ABLIM1: variants seen among roughly 807,000 people sequenced by gnomAD.
The protein encoded by ABLIM1 is actin-binding LIM protein 1.
A neutral mutation model predicts 107.0 loss-of-function variants in ABLIM1; 40 were observed. The observed-to-expected ratio is 0.37, with a 90% CI of 0.29 to 0.49. The LOEUF (loss-of-function observed/expected upper bound fraction) is 0.49. ABLIM1 is among the 20% of genes least tolerant of loss of function. ABLIM1 has a pLI of 0.97. For synonymous variants in ABLIM1, 357 were observed against 357.3 expected, an observed-to-expected ratio of 1.00 and a Z score of 0.01; for missense variants, 857 against 1,008.5, an observed-to-expected ratio of 0.85 and a Z score of 2.04.
At chr10:114,489,022 T>C in intron 7 of ABLIM1, among the ~76,000 whole-genome samples, 1 of 152,060 alleles carries the variant, frequency 6.6e-6, no homozygotes, top group East Asian at 1.9e-4. Context: ...TTTACCTCAT[T>C]TTTTTTTCTT....
chr10:114,708,979 T>C (rs903202449), intron 1 of ABLIM1, among the ~76,000 whole-genome samples: 1 of 152,192 alleles, frequency 6.6e-6, no homozygotes, highest in African/African-American at 2.4e-5. Flanking sequence ...ATTGGTACTT[T>C]TCGAGAAGCA....
the ABLIM1 span, among the ~76,000 whole-genome samples, chr10:114,788,786 A>G: frequency 6.6e-6 from 1 of 151,846 alleles, no homozygotes; most frequent in Non-Finnish European, 1.5e-5. Flanking sequence ...TGCCAGATAA[A>G]ATACAGGAGG....
At chr10:114,741,621 A>T (rs1042635080) in intron 1 of ABLIM1, among the ~76,000 whole-genome samples, 2 of 152,180 alleles carry the variant, frequency 1.3e-5, no homozygotes, top group Admixed American at 1.3e-4. Flanking sequence ...TGTACACCAT[A>T]TGTTAGAAAA....
At chr10:114,675,292 T>C (rs2080431652) in intron 1 of ABLIM1, among the ~76,000 whole-genome samples, 1 of 152,126 alleles carries the variant, frequency 6.6e-6, no homozygotes, top group African/African-American at 2.4e-5. Context: ...GAACTGTAGC[T>C]CCCACAAATC....
intron 1 of ABLIM1, among the ~76,000 whole-genome samples, chr10:114,719,388 A>G (rs1183954241): frequency 6.6e-6 from 1 of 152,208 alleles, no homozygotes; most frequent in Non-Finnish European, 1.5e-5. Flanking sequence ...GACCTTGTCC[A>G]GGGTTACTTA....
chr10:114,512,215 A>C (rs751258008), intron 6 of ABLIM1, among the ~76,000 whole-genome samples: 9 of 152,242 alleles, frequency 5.9e-5, no homozygotes, highest in Non-Finnish European at 1.3e-4. Context: ...GTGCGTAAAA[A>C]GGGCTGAAAT....
intron 9 of ABLIM1, 56 bp from the exon 10 acceptor site, chr10:114,473,188 CTG>C: frequency 1.3e-6 from 2 of 1,505,528 alleles, no homozygotes; most frequent in East Asian, 4.6e-5. Flanking sequence ...CTTTAGGAAA[CTG>C]TAGTTGGCGC....
intron 12 of ABLIM1, among the ~76,000 whole-genome samples, chr10:114,464,108 C>G (rs904125371): frequency 6.6e-6 from 1 of 152,028 alleles, no homozygotes; most frequent in Non-Finnish European, 1.5e-5. Flanking sequence ...TATAACCCCA[C>G]GCCGCTCCGG....
In ABLIM1 at chr10:114,469,161, C is replaced by T. The variant is rs1279780518; in HGVS notation, c.1276-945G>A. On this transcript the variant is annotated intron_variant, in intron 10 of 22. Transcript: ENST00000533213. ...ATTTCCCTTATATATTCAAACTACG[C>T]TCATTTTACTATGATGAGTTACAGC... 3.3e-5 allele frequency among the ~76,000 whole-genome samples: 5 copies of T among 151,986 alleles called. No homozygotes were observed. The East Asian group carries it at 9.7e-4, about 29-fold the overall frequency.
chr10:114,590,062 T>C (rs1188565323), intron 2 of ABLIM1, among the ~76,000 whole-genome samples: 3 of 152,188 alleles, frequency 2.0e-5, no homozygotes, highest in Admixed American at 2.0e-4. Flanking sequence ...TTTAGATATG[T>C]TTAGATACAC....
intron 12 of ABLIM1, among the ~76,000 whole-genome samples, chr10:114,457,680 G>A (rs1028171850): frequency 6.6e-6 from 1 of 152,196 alleles, no homozygotes; most frequent in Non-Finnish European, 1.5e-5. Context: ...AAAGTAATGT[G>A]TGACACACCA....
intron 6 of ABLIM1, among the ~76,000 whole-genome samples, chr10:114,504,730 G>A (rs2060899249): frequency 6.6e-6 from 1 of 152,090 alleles, no homozygotes; most frequent in African/African-American, 2.4e-5. Context: ...CTGTTAGGCT[G>A]GACTGAACTT....
chr10:114,793,408 G>A, the ABLIM1 span, among the ~76,000 whole-genome samples: 3 of 151,966 alleles, frequency 2.0e-5, no homozygotes, highest in Non-Finnish European at 4.4e-5. Context: ...TAAGTTTCCT[G>A]AGGCCTCCCC....
chr10:114,441,404 C>T (rs2060179166), intron 18 of ABLIM1, among the ~76,000 whole-genome samples: 1 of 152,160 alleles, frequency 6.6e-6, no homozygotes, highest in Admixed American at 6.5e-5. Context: ...TATCTTTTTA[C>T]AGCAAAGATA....
At chr10:114,720,872 C>T (rs967081770) in intron 1 of ABLIM1, among the ~76,000 whole-genome samples, 1 of 152,208 alleles carries the variant, frequency 6.6e-6, no homozygotes, top group Non-Finnish European at 1.5e-5. Context: ...ACCACTCCAA[C>T]TGTGCAAATA....
intron 13 of ABLIM1, among the ~76,000 whole-genome samples, chr10:114,452,840 A>G (rs2062106455): frequency 6.6e-6 from 1 of 152,250 alleles, no homozygotes; most frequent in African/African-American, 2.4e-5. Flanking sequence ...ATTGCAAGAT[A>G]TCTTCACGGG....
rs1454007947 is a variant in ABLIM1, at chr10:114,707,592, G to A, written c.-213+60469C>T. Among the ~76,000 whole-genome samples the A allele has an allele frequency of 6.6e-6, 1 of 152,078 alleles. No individual in the cohort carries two copies. Among genetic ancestry groups the A allele is most frequent in the African/African-American group, 2.4e-5 (1 of 41,410 alleles). Reference sequence around the variant, plus strand: ...AATCCTGCTGCCCCTGGCTTCCTGAGTACTAGTCATAAAAAACTAATTACC... The same window carrying A: ...AATCCTGCTGCCCCTGGCTTCCTGAATACTAGTCATAAAAAACTAATTACC... On this transcript the variant is annotated intron_variant, in intron 1 of 15. Transcript: ENST00000651092. The surrounding 1 kb of genome is among the most constrained non-coding windows in gnomAD (Gnocchi z 4.1).
chr10:114,458,136 CAT>C (rs35858255), intron 12 of ABLIM1, among the ~76,000 whole-genome samples: 97 of 150,380 alleles, frequency 6.5e-4, no homozygotes, highest in African/African-American at 1.4e-3. Flanking sequence ...TACAATAGTA[CAT>C]ATATATATAT....
the ABLIM1 span, among the ~76,000 whole-genome samples, chr10:114,797,490 T>C: frequency 6.6e-6 from 1 of 152,186 alleles, no homozygotes; most frequent in African/African-American, 2.4e-5. Flanking sequence ...TACACACACT[T>C]AGTGTCTCTC....
Sources: gnomAD v4.1 joint callset for allele counts (sites outside exome capture counted in the v4.1 genomes callset) on GRCh38, gnomAD v4.1.1 for gene constraint, Gnocchi (gnomAD v3.1) non-coding constraint, MANE v1.5 for transcripts, NCBI Gene and HGNC (gene_info 2026-07-23, HGNC 2026-07-21) for gene names.